Variants in SUMF1 observed in about 807,000 individuals in gnomAD.
The protein encoded by SUMF1 is formylglycine-generating enzyme.
In SUMF1, 48 loss-of-function variants were observed where a neutral mutation model predicts 47.6. The ratio of observed to expected loss-of-function variants is 1.01; its 90% confidence interval spans 0.80 to 1.28. SUMF1 has a LOEUF of 1.28. Among genes scored for constraint, SUMF1 ranks in the 50% most tolerant of loss-of-function variants. The pLI, the probability that SUMF1 is intolerant of heterozygous loss-of-function variation, is 0.00. For synonymous variants in SUMF1, 230 were observed against 192.1 expected (o/e 1.20, Z -1.63); for missense variants, 571 against 485.4 (o/e 1.18, Z -1.66).
chr3:4,295,275 T>G (rs1054559648), intron 8 of SUMF1, among the ~76,000 whole-genome samples: 1 of 152,014 alleles, frequency 6.6e-6, no homozygotes, highest in African/African-American at 2.4e-5. Context: ...ATTAATATAG[T>G]CTCTAAGAAG....
chr3:4,219,419 T>C (rs1696013314), intron 8 of SUMF1, among the ~76,000 whole-genome samples: 2 of 152,184 alleles, frequency 1.3e-5, no homozygotes, highest in Non-Finnish European at 2.9e-5. Flanking sequence ...TCATATCTTC[T>C]GACTCTATTG....
At chr3:4,229,224 C>G (rs1007825122) in intron 8 of SUMF1, 2 of 267,274 alleles carry the variant, frequency 7.5e-6, no homozygotes, top group Non-Finnish European at 1.5e-5. Flanking sequence ...GAGAAGCATC[C>G]TTCCCTGGTT....
chr3:4,175,822 A>C (rs1413109156), intron 8 of SUMF1, among the ~76,000 whole-genome samples: 2 of 152,168 alleles, frequency 1.3e-5, no homozygotes, highest in Non-Finnish European at 2.9e-5. Context: ...AACTAGAATA[A>C]ACAGTGTAGA....
chr3:4,260,573 TAGA>T (rs1697064479), intron 8 of SUMF1, among the ~76,000 whole-genome samples: 1 of 152,108 alleles, frequency 6.6e-6, no homozygotes, highest in Admixed American at 6.5e-5. Context: ...GTCTTATTTG[TAGA>T]AGAATTCTGA....
chr3:4,235,910 A>G (rs1696396740), intron 8 of SUMF1, among the ~76,000 whole-genome samples: 1 of 152,072 alleles, frequency 6.6e-6, no homozygotes, highest in Non-Finnish European at 1.5e-5. Context: ...ATGAAGCATT[A>G]AAGAGGAAAT....
chr3:4,168,505 T>C (rs771915706), intron 8 of SUMF1, among the ~76,000 whole-genome samples: 1 of 152,216 alleles, frequency 6.6e-6, no homozygotes, highest in Non-Finnish European at 1.5e-5. Flanking sequence ...GGTCAATAAA[T>C]ATTTTATGCA....
chr3:4,095,170 T>G (rs141627639), intron 8 of SUMF1, among the ~76,000 whole-genome samples: 43 of 152,210 alleles, frequency 2.8e-4, no homozygotes, highest in Middle Eastern at 3.4e-3. Context: ...AAAGGAATAA[T>G]GAAATTTTTA....
intron 7 of SUMF1, 133 bp downstream of exon 7, chr3:4,410,732 C>A: frequency 1.2e-6 from 1 of 809,612 alleles, no homozygotes; most frequent in East Asian, 2.5e-5. Context: ...GCTTAATGTG[C>A]CTTTAGGGAA....
intron 8 of SUMF1, among the ~76,000 whole-genome samples, chr3:4,207,671 C>G (rs1695682229): frequency 6.6e-6 from 1 of 152,040 alleles, no homozygotes; most frequent in Non-Finnish European, 1.5e-5. Context: ...ACTACTCCAT[C>G]CAAACAACAA....
At chr3:4,041,978 A>G (rs189411313) in intron 9 of SUMF1, among the ~76,000 whole-genome samples, 2 of 152,284 alleles carry the variant, frequency 1.3e-5, no homozygotes, top group Admixed American at 1.3e-4. Context: ...AAAGATGATA[A>G]TAGTCCCTCA....
intron 8 of SUMF1, among the ~76,000 whole-genome samples, chr3:4,122,643 C>T (rs1693571546): frequency 6.6e-6 from 1 of 152,156 alleles, no homozygotes; most frequent in Admixed American, 6.5e-5. Flanking sequence ...CATTAAGAAT[C>T]CAAAGTCCTC....
At chr3:4,466,117 C>CTT (rs565449521) in intron 1 of SUMF1, among the ~76,000 whole-genome samples, 4 of 148,022 alleles carry the variant, frequency 2.7e-5, no homozygotes, top group Middle Eastern at 3.6e-3. Context: ...TTCTTTCTTT[C>CTT]TTTTTTTTTT....
intron 9 of SUMF1, among the ~76,000 whole-genome samples, chr3:4,035,904 G>C (rs766460594): frequency 7.9e-5 from 12 of 152,064 alleles, no homozygotes; most frequent in East Asian, 1.9e-4. Flanking sequence ...TGCAGTTTAG[G>C]GGGTGAGTGG....
intron 4 of SUMF1, 29 bp from the exon 5 acceptor site, chr3:4,418,161 G>T: frequency 1.2e-6 from 2 of 1,613,776 alleles, no homozygotes; most frequent in Non-Finnish European, 1.7e-6. Flanking sequence ...AGAATGAAAA[G>T]TGACACCAAT....
At chr3:4,391,776 C>G (rs1247452797) in intron 7 of SUMF1, among the ~76,000 whole-genome samples, 1 of 152,060 alleles carries the variant, frequency 6.6e-6, no homozygotes, top group Non-Finnish European at 1.5e-5. Flanking sequence ...GGCCACCATG[C>G]CCAGCCCTCT....
chr3:4,149,226 G>C (rs938448102), intron 8 of SUMF1, among the ~76,000 whole-genome samples: 12 of 152,058 alleles, frequency 7.9e-5, no homozygotes, highest in African/African-American at 2.9e-4. Flanking sequence ...TTCATCTGGT[G>C]CTCAAATAAA....
At chr3:4,304,026 T>C in intron 8 of SUMF1, 1 of 279,360 alleles carries the variant, frequency 3.6e-6, no homozygotes, top group South Asian at 4.6e-5. Context: ...CAGCGTACAG[T>C]GGAACAGTAC....
Position 4,182,791 on chromosome 3 carries a change from G to A in SUMF1, c.1015-114046C>T, listed in dbSNP as rs533890475. ...TCATCATGGTTAATATTAGTACTAT[G>A]CTTTAGAGTTAAAACAGGCTCACAT... On this transcript the variant is annotated intron_variant and NMD_transcript_variant, in intron 8 of 12. Transcript: ENST00000448413. Among the ~76,000 whole-genome samples the A allele has an allele frequency of 5.9e-5, 9 of 152,210 alleles. No homozygotes were observed. In the South Asian group the frequency reaches 1.9e-3, roughly 32 times the overall value.
chr3:4,302,931 G>T (rs531115633), intron 8 of SUMF1, among the ~76,000 whole-genome samples: 1 of 152,054 alleles, frequency 6.6e-6, no homozygotes, highest in East Asian at 1.9e-4. Flanking sequence ...TGAGGCTATC[G>T]CCTTGGCACA....
Sources: gnomAD v4.1 joint callset for allele counts (sites outside exome capture counted in the v4.1 genomes callset) on GRCh38, gnomAD v4.1.1 for gene constraint, MANE v1.5 for transcripts, NCBI Gene and HGNC (gene_info 2026-07-23, HGNC 2026-07-21) for gene names.